The following KCNK2 variants were observed in gnomAD, a reference collection of about 807,000 sequenced individuals.
KCNK2 encodes the protein potassium two pore domain channel subfamily K member 2, also known as potassium channel subfamily K member 2.
Under a neutral mutation model 40.5 loss-of-function variants are expected in KCNK2, and 21 were observed. The observed-to-expected ratio is 0.52, with a 90% confidence interval of 0.37 to 0.75. KCNK2 has a LOEUF of 0.75. Among genes scored for constraint, KCNK2 ranks in the 30% least tolerant of loss-of-function variants. The pLI, the probability that KCNK2 is intolerant of heterozygous loss-of-function variation, is 0.00. For synonymous variants in KCNK2, 191 were observed against 202.2 expected, an observed-to-expected ratio of 0.94 and a Z score of 0.47; for missense variants, 399 against 531.6, an observed-to-expected ratio of 0.75 and a Z score of 2.45.
chr1:215,169,450 A>G (rs1020192862), intron 4 of KCNK2, 91 bp downstream of exon 4: 2 of 983,204 alleles, frequency 2.0e-6, no homozygotes, highest in African/African-American at 3.3e-5. Context: ...ACAATTAGAC[A>G]TTCAATTATT....
Position 215,199,988 on chromosome 1 carries a change from C to T in KCNK2, c.963+4896C>T, listed in dbSNP as rs1291895129. ...TGTTCCTGTGCACATATGAGATAAACACCACTGCGGCCCACACCATAGCAT... is the reference window on the plus strand; with the variant it reads ...TGTTCCTGTGCACATATGAGATAAATACCACTGCGGCCCACACCATAGCAT... On this transcript the variant is annotated intron_variant, in intron 6 of 6. Transcript: ENST00000444842. Among the ~76,000 whole-genome samples, 3 of 152,300 alleles carry T rather than the reference C, an allele frequency of 2.0e-5. No individual in the cohort carries two copies. The East Asian group carries it at 5.8e-4, about 29-fold the overall frequency.
At chr1:215,102,844 G>A (rs771181104) in intron 2 of KCNK2, among the ~76,000 whole-genome samples, 10 of 152,090 alleles carry the variant, frequency 6.6e-5, no homozygotes, top group African/African-American at 1.4e-4. Context: ...TAGTCTGGGC[G>A]TGTAGTAGGC....
chr1:215,183,821 G>A (rs551757719), intron 5 of KCNK2, among the ~76,000 whole-genome samples: 50 of 152,186 alleles, frequency 3.3e-4, no homozygotes, highest in African/African-American at 1.2e-3. Flanking sequence ...CTTCCTTGAC[G>A]CAAATTTCTT....
chr1:215,022,003 C>T (rs1490415024), intron 1 of KCNK2, among the ~76,000 whole-genome samples: 1 of 152,038 alleles, frequency 6.6e-6, no homozygotes. Flanking sequence ...TTTGGCTCAA[C>T]TGTATTGTAC....
chr1:215,234,919 A>G lies in KCNK2; in HGVS notation c.1055A>G (p.Tyr352Cys). The stretch of plus-strand genomic sequence containing the variant: ...AGGAGGCGACTGAGTGTGGAGATTT[A>G]TGACAAGTTCCAGCGGGCCACCTCC... ...ETRRRLSVEIYDKFQRATSIK... is the reference protein window; with the variant it reads ...ETRRRLSVEICDKFQRATSIK... The change falls in exon 7 of 7, where the codon TAT becomes TGT. Residue 352 changes from tyrosine to cysteine, a missense_variant. This residue lies in a region of KCNK2 where 103 missense variants were observed against 124.3 expected (regional missense o/e 0.83). Coordinates refer to ENST00000444842, the MANE Select transcript of KCNK2 (RefSeq NM_001017425.3). The G allele has an allele frequency of 6.2e-7, 1 of 1,614,128 alleles. No individual in the cohort carries two copies. Among genetic ancestry groups the G allele is most frequent in the Non-Finnish European group, 8.5e-7 (1 of 1,180,004 alleles).
At chr1:215,063,143 C>T (rs537468773) in intron 1 of KCNK2, among the ~76,000 whole-genome samples, 3 of 152,126 alleles carry the variant, frequency 2.0e-5, no homozygotes, top group South Asian at 2.1e-4. Context: ...TTTGTGGGAA[C>T]GGTAAGCAAT....
chr1:215,007,079 A>ATG (rs1656175523), intron 1 of KCNK2, among the ~76,000 whole-genome samples: 1 of 122,374 alleles, frequency 8.2e-6, no homozygotes, highest in African/African-American at 3.1e-5. Flanking sequence ...GTGTATATAT[A>ATG]TATGTGTGTA....
intron 5 of KCNK2, among the ~76,000 whole-genome samples, chr1:215,186,886 G>A (rs1386285953): frequency 1.3e-5 from 2 of 152,208 alleles, no homozygotes; most frequent in Non-Finnish European, 2.9e-5. Context: ...GTTGCTAAGA[G>A]TGGCAAGTGC....
chr1:215,078,795 A>G (rs1659044581), upstream of KCNK2, among the ~76,000 whole-genome samples: 2 of 152,236 alleles, frequency 1.3e-5, no homozygotes, highest in Non-Finnish European at 2.9e-5. Flanking sequence ...TTTATAGATG[A>G]GAAAACTGAT....
chr1:215,223,241 TAAA>T (rs56890763), intron 6 of KCNK2, among the ~76,000 whole-genome samples: 18 of 112,044 alleles, frequency 1.6e-4, no homozygotes, highest in African/African-American at 3.7e-4. Context: ...AGCTCTTTTC[TAAA>T]AAAAAAAAAA....
At chr1:215,151,035 T>A (rs1450429028) in intron 3 of KCNK2, among the ~76,000 whole-genome samples, 1 of 152,072 alleles carries the variant, frequency 6.6e-6, no homozygotes, top group Non-Finnish European at 1.5e-5. Context: ...TATTTCTAGT[T>A]TTTAAAGAAA....
At chr1:215,117,291 G>A (rs1040150504) in intron 2 of KCNK2, among the ~76,000 whole-genome samples, 4 of 152,016 alleles carry the variant, frequency 2.6e-5, no homozygotes, top group African/African-American at 7.2e-5. Context: ...TCTCTCAGAT[G>A]TATGCAAAAA....
chr1:215,057,560 C>T (rs778738093), intron 1 of KCNK2, among the ~76,000 whole-genome samples: 3 of 152,090 alleles, frequency 2.0e-5, no homozygotes, highest in Non-Finnish European at 4.4e-5. Context: ...GTTGACTCCA[C>T]CACTGAAGTT....
intron 3 of KCNK2, among the ~76,000 whole-genome samples, chr1:215,150,032 A>C (rs1662615421): frequency 6.6e-6 from 1 of 152,194 alleles, no homozygotes; most frequent in African/African-American, 2.4e-5. Context: ...ACCTTACGGA[A>C]CTTCTGATTA....
chr1:215,232,478 A>G (rs1351667459), intron 6 of KCNK2, among the ~76,000 whole-genome samples: 1 of 152,210 alleles, frequency 6.6e-6, no homozygotes, highest in Non-Finnish European at 1.5e-5. Context: ...ACTGCCAATT[A>G]CTATCATTGT....
At chr1:215,028,121 T>C (rs1247049684) in intron 1 of KCNK2, among the ~76,000 whole-genome samples, 1 of 152,208 alleles carries the variant, frequency 6.6e-6, no homozygotes, top group Non-Finnish European at 1.5e-5. Flanking sequence ...GCACCGTGGC[T>C]CCCGCCTGTA....
At chr1:215,184,834 A>G (rs1664364145) in intron 5 of KCNK2, among the ~76,000 whole-genome samples, 1 of 152,172 alleles carries the variant, frequency 6.6e-6, no homozygotes, top group African/African-American at 2.4e-5. Context: ...TAAACAACTA[A>G]CAGTGTCAAT....
intron 2 of KCNK2, among the ~76,000 whole-genome samples, chr1:215,089,141 T>C (rs1431299668): frequency 6.6e-6 from 1 of 152,218 alleles, no homozygotes; most frequent in Non-Finnish European, 1.5e-5. Context: ...CCAATCTTTT[T>C]TTTCACATTT....
At chr1:215,107,504 A>C (rs368187154) in intron 2 of KCNK2, among the ~76,000 whole-genome samples, 1 of 152,058 alleles carries the variant, frequency 6.6e-6, no homozygotes, top group Non-Finnish European at 1.5e-5. Flanking sequence ...CATTATTGAC[A>C]ATATTTGTTA....
Sources: gnomAD v4.1 joint callset for allele counts (sites outside exome capture counted in the v4.1 genomes callset) on GRCh38, gnomAD v4.1.1 for gene constraint, gnomAD v4.1.1 regional missense constraint, MANE v1.5 for transcripts, NCBI Gene and HGNC (gene_info 2026-07-23, HGNC 2026-07-21) for gene names.